Variants in NIPA1 observed in about 807,000 individuals in gnomAD.
NIPA1 encodes NIPA magnesium transporter 1, also known as magnesium transporter NIPA1.
NIPA1 carries 13 observed loss-of-function variants against 23.9 expected under a neutral mutation model. The observed-to-expected ratio is 0.54, with a 90% CI of 0.35 to 0.87. NIPA1 has a LOEUF of 0.87. Among genes scored for constraint, NIPA1 ranks in the 40% least tolerant of loss-of-function variants. NIPA1 has a pLI of 0.01. For synonymous variants in NIPA1, 234 were observed against 202.9 expected (o/e 1.15, Z -1.30); for missense variants, 362 against 429.7 (o/e 0.84, Z 1.39).
At chr15:22,787,636 T>A (rs1408730448) in intron 1 of NIPA1, among the ~76,000 whole-genome samples, 2 of 152,182 alleles carry the variant, frequency 1.3e-5, no homozygotes, top group East Asian at 3.9e-4. Context: ...GGTTTGCCAA[T>A]GCAGGATATG....
intron 1 of NIPA1, among the ~76,000 whole-genome samples, chr15:22,803,819 A>G (rs1382440288): frequency 1.3e-5 from 2 of 150,778 alleles, no homozygotes; most frequent in African/African-American, 4.9e-5. Flanking sequence ...AGCTGGGACT[A>G]CAGGCACCCG....
At chr15:22,817,943 G>A (rs1355812608) in intron 3 of NIPA1, among the ~76,000 whole-genome samples, 1 of 152,196 alleles carries the variant, frequency 6.6e-6, no homozygotes, top group African/African-American at 2.4e-5. Flanking sequence ...AGGCACAGTG[G>A]CTTATGCCTT....
At chr15:22,815,033 C>T (rs956567108) in intron 3 of NIPA1, among the ~76,000 whole-genome samples, 7 of 152,176 alleles carry the variant, frequency 4.6e-5, no homozygotes, top group African/African-American at 9.7e-5. Context: ...TGGCAGATGT[C>T]CCCTGCGGGG....
At chr15:22,811,508 G>A (rs922430232) in intron 2 of NIPA1, among the ~76,000 whole-genome samples, 1 of 152,116 alleles carries the variant, frequency 6.6e-6, no homozygotes, top group Non-Finnish European at 1.5e-5. Context: ...GGAGGCTGAG[G>A]TGGGAGGATT....
intron 3 of NIPA1, chr15:22,813,822 C>T: frequency 2.5e-6 from 1 of 394,372 alleles, no homozygotes; most frequent in Non-Finnish European, 5.2e-6. Context: ...GGCTTGGTGT[C>T]CCTTTGTGTT....
In NIPA1 at chr15:22,824,331, T is replaced by C; in HGVS notation, c.*92T>C. The C allele has an allele frequency of 1.8e-6, 2 of 1,126,918 alleles. No homozygotes were observed. The highest frequency in any genetic ancestry group is 1.2e-5 in the South Asian group (1 of 80,402). 69.8% of individuals were successfully genotyped at this position (1,126,918 alleles called of 1,614,324 possible). On this transcript the variant is annotated 3_prime_UTR_variant, in exon 5 of 5. Coordinates refer to ENST00000337435, the MANE Select transcript of NIPA1 (RefSeq NM_144599.5). This position sits in a 1 kb window ranked among gnomAD's most constrained non-coding sequence, Gnocchi z 4.1. ...GTGAAGTAGAAGAGGTCCTCGATCA[T>C]GGTGTTAGAATTGACTGGATAGTAA...
At position 22,786,845 on chromosome 15, in the gene NIPA1, C is replaced by T. The variant is rs1296728546; in HGVS notation, c.178+11C>T. ...GTGCCAAGCGGCGAGGTAGGGCGGGCGGCAGGCGGCAGGCGGCGGGCGGGT... is the reference window on the plus strand; with the variant it reads ...GTGCCAAGCGGCGAGGTAGGGCGGGTGGCAGGCGGCAGGCGGCGGGCGGGT... On this transcript the variant is annotated intron_variant, in intron 1 of 4. Coordinates refer to ENST00000337435, the MANE Select transcript of NIPA1 (RefSeq NM_144599.5). The T allele has an allele frequency of 1.4e-6, 1 of 715,418 alleles. No homozygotes were observed. Among genetic ancestry groups the T allele is most frequent in the South Asian group, 3.0e-5 (1 of 33,354 alleles). 44.3% of individuals were successfully genotyped at this position (715,418 alleles called of 1,614,324 possible). A position where few individuals can be genotyped will look rare whatever the true frequency, so the allele number is the denominator to read the frequency against.
At chr15:22,811,993 T>TCCTGACC (rs1272528212) in intron 2 of NIPA1, among the ~76,000 whole-genome samples, 170 bp from the exon 3 acceptor site, 1 of 152,210 alleles carries the variant, frequency 6.6e-6, no homozygotes, top group East Asian at 1.9e-4. Flanking sequence ...AAGGTGTGGT[T>TCCTGACC]CCTGACCCCT....
chr15:22,804,486 C>A (rs750387092), intron 1 of NIPA1, among the ~76,000 whole-genome samples: 1 of 152,040 alleles, frequency 6.6e-6, no homozygotes, highest in East Asian at 1.9e-4. Context: ...TGTTTTTTTC[C>A]TATCTGGTCG....
At chr15:22,808,797 A>G (rs550262065) in intron 1 of NIPA1, among the ~76,000 whole-genome samples, 1 of 151,026 alleles carries the variant, frequency 6.6e-6, no homozygotes, top group South Asian at 2.1e-4. Flanking sequence ...AGCCTCCTGA[A>G]TAGCTGGGAC....
At chr15:22,821,935 T>G (rs1895548488) in intron 4 of NIPA1, among the ~76,000 whole-genome samples, 1 of 152,184 alleles carries the variant, frequency 6.6e-6, no homozygotes, top group South Asian at 2.1e-4. Flanking sequence ...GACAATACTT[T>G]AAAACAAAAC....
chr15:22,822,930 T>G (rs1372013535), intron 4 of NIPA1, among the ~76,000 whole-genome samples: 2 of 138,374 alleles, frequency 1.4e-5, no homozygotes, highest in Admixed American at 7.0e-5. Flanking sequence ...TTTTTTTTTT[T>G]TTTTTTGAGA....
intron 1 of NIPA1, among the ~76,000 whole-genome samples, chr15:22,788,268 G>A (rs1228936492): frequency 2.0e-5 from 3 of 151,984 alleles, no homozygotes; most frequent in Non-Finnish European, 4.4e-5. Flanking sequence ...TTGGGAGGCC[G>A]AGGCGGGCGG....
chr15:22,819,035 T>A (rs942561999), intron 3 of NIPA1, among the ~76,000 whole-genome samples: 2 of 152,156 alleles, frequency 1.3e-5, no homozygotes, highest in African/African-American at 4.8e-5. Flanking sequence ...GCTTCTCTAT[T>A]TAACATCTAG....
chr15:22,806,727 A>G (rs1334055172), intron 1 of NIPA1, among the ~76,000 whole-genome samples: 1 of 152,178 alleles, frequency 6.6e-6, no homozygotes, highest in Non-Finnish European at 1.5e-5. Flanking sequence ...TGTTTTAGAT[A>G]TCCTCACAGA....
At chr15:22,810,724 A>ACATTTTTTATCT in intron 1 of NIPA1, 25 bp from the exon 2 acceptor site, 1 of 1,539,020 alleles carries the variant, frequency 6.5e-7, no homozygotes, top group Non-Finnish European at 9.0e-7. Flanking sequence ...CACTTTTCTG[A>ACATTTTTTATCT]CATTTTTTAT....
chr15:22,820,182 G>A, intron 3 of NIPA1, 131 bp from the exon 4 acceptor site: 1 of 667,288 alleles, frequency 1.5e-6, no homozygotes, highest in South Asian at 1.7e-5. Context: ...GGGCAACAGA[G>A]TGGGAGGTGG....
chr15:22,799,854 G>A (rs1235743173), intron 1 of NIPA1, among the ~76,000 whole-genome samples: 4 of 145,668 alleles, frequency 2.7e-5, no homozygotes, highest in African/African-American at 1.0e-4. Flanking sequence ...TGAGATAGGA[G>A]GATGGCTTGA....
At chr15:22,808,383 A>G (rs1229562629) in intron 1 of NIPA1, among the ~76,000 whole-genome samples, 1 of 152,170 alleles carries the variant, frequency 6.6e-6, no homozygotes. Flanking sequence ...ACCAGACAGG[A>G]GCCCCAGTGG....
Sources: allele counts gnomAD v4.1 joint callset (sites outside exome capture counted in the v4.1 genomes callset), GRCh38; gene constraint gnomAD v4.1.1; non-coding constraint Gnocchi (gnomAD v3.1); transcripts MANE v1.5; gene names NCBI Gene and HGNC (gene_info 2026-07-23, HGNC 2026-07-21).